MYRIP: variants seen among roughly 807,000 people sequenced by gnomAD.
The protein encoded by MYRIP is myosin VIIA and Rab interacting protein, also known as rab effector MyRIP.
MYRIP carries 49 observed loss-of-function variants against 98.0 expected under a neutral mutation model. The observed-to-expected ratio is 0.50, with a 90% confidence interval of 0.40 to 0.63. The LOEUF (loss-of-function observed/expected upper bound fraction) is 0.63. MYRIP is among the 30% of genes least tolerant of loss of function. The pLI is 0.00. For synonymous variants in MYRIP, 404 were observed against 409.5 expected, an observed-to-expected ratio of 0.99 and a Z score of 0.16; for missense variants, 1,004 against 1,058.2, an observed-to-expected ratio of 0.95 and a Z score of 0.71.
In MYRIP at chr3:39,900,943, G is replaced by T. The variant is rs575007143; in HGVS notation, c.110+17G>T. 3.1e-6 allele frequency: 5 copies of T among 1,590,542 alleles called. No individual in the cohort carries two copies. Among genetic ancestry groups the T allele is most frequent in the African/African-American group, 1.3e-5 (1 of 74,628 alleles). On this transcript the variant is annotated intron_variant, in intron 2 of 16. Coordinates refer to ENST00000302541, the MANE Select transcript of MYRIP (RefSeq NM_015460.4). ...ACGACTAAGGTGAGATGCCTGTTTTGCTCAGCAGCGTACAGCAAACCACAT... is the reference window on the plus strand; with the variant it reads ...ACGACTAAGGTGAGATGCCTGTTTTTCTCAGCAGCGTACAGCAAACCACAT...
At chr3:40,033,895 C>T (rs1324880356) in intron 2 of MYRIP, among the ~76,000 whole-genome samples, 1 of 152,084 alleles carries the variant, frequency 6.6e-6, no homozygotes, top group African/African-American at 2.4e-5. Context: ...TGGAACACAA[C>T]AGAGCCCTCA....
intron 1 of MYRIP, among the ~76,000 whole-genome samples, chr3:39,872,345 T>C (rs1942822217): frequency 6.6e-6 from 1 of 152,010 alleles, no homozygotes. Flanking sequence ...TTTATTATTA[T>C]TATTATTATA....
chr3:40,087,097 G>T (rs1180743889), intron 3 of MYRIP, among the ~76,000 whole-genome samples: 2 of 152,064 alleles, frequency 1.3e-5, no homozygotes, highest in Non-Finnish European at 2.9e-5. Flanking sequence ...CATGAACAAA[G>T]ATATGATTGT....
intron 2 of MYRIP, among the ~76,000 whole-genome samples, chr3:39,948,301 C>T (rs774618031): frequency 7.9e-5 from 12 of 152,054 alleles, no homozygotes; most frequent in Non-Finnish European, 1.5e-4. Context: ...AAGTTTTTAT[C>T]ATGAGCAGTT....
At position 39,944,743 on chromosome 3, in the gene MYRIP, A is replaced by C. The variant is rs753724945; in HGVS notation, c.110+43817A>C. 4.4e-4 allele frequency among the ~76,000 whole-genome samples: 67 copies of C among 152,274 alleles called. No homozygotes were observed. The Middle Eastern group carries it at 0.02, about 46-fold the overall frequency. On this transcript the variant is annotated intron_variant, in intron 2 of 16. Transcript: ENST00000302541. ...GCTTGTGTGATATTGTTAGATGAAT[A>C]CTGTGAGTTCATCAAAAGTTTTTTT...
At chr3:40,180,416 G>A (rs974752090) in intron 8 of MYRIP, among the ~76,000 whole-genome samples, 2 of 152,354 alleles carry the variant, frequency 1.3e-5, no homozygotes, top group African/African-American at 4.8e-5. Flanking sequence ...ACCCTCAGTT[G>A]CTCCACAGTC....
At chr3:40,257,409 G>A (rs997826342) in intron 16 of MYRIP, among the ~76,000 whole-genome samples, 5 of 152,194 alleles carry the variant, frequency 3.3e-5, no homozygotes, top group African/African-American at 1.2e-4. Flanking sequence ...TTATGCTGGA[G>A]ATTGCAGTTT....
intron 16 of MYRIP, among the ~76,000 whole-genome samples, chr3:40,257,888 T>C (rs567446304): frequency 6.6e-6 from 1 of 152,266 alleles, no homozygotes; most frequent in South Asian, 2.1e-4. Flanking sequence ...ATACTGGACA[T>C]TGGGATGGTA....
chr3:39,980,961 A>G (rs1945879384), intron 2 of MYRIP, among the ~76,000 whole-genome samples: 1 of 152,106 alleles, frequency 6.6e-6, no homozygotes, highest in Non-Finnish European at 1.5e-5. Context: ...ATGGAGATGG[A>G]GATGGTGGTG....
chr3:40,063,987 G>A (rs570723130), intron 3 of MYRIP, among the ~76,000 whole-genome samples: 2 of 152,070 alleles, frequency 1.3e-5, no homozygotes, highest in Non-Finnish European at 2.9e-5. Flanking sequence ...TGTACAGCAG[G>A]TGAGAACAGG....
intron 2 of MYRIP, among the ~76,000 whole-genome samples, chr3:39,947,617 G>A (rs1313251389): frequency 6.6e-6 from 1 of 152,018 alleles, no homozygotes; most frequent in African/African-American, 2.4e-5. Flanking sequence ...TAGAAATACA[G>A]ACTCACTGGG....
chr3:40,248,465 TGCAGTTCTA>T (rs1184491987), intron 13 of MYRIP: 2 of 152,228 alleles, frequency 1.3e-5, no homozygotes, highest in East Asian at 3.9e-4. Context: ...TCCTTGGACA[TGCAGTTCTA>T]GAAGTGGGAC....
intron 1 of MYRIP, among the ~76,000 whole-genome samples, chr3:39,823,467 C>T (rs1941175027): frequency 6.6e-6 from 1 of 152,190 alleles, no homozygotes; most frequent in Admixed American, 6.5e-5. Flanking sequence ...TACACTCCCA[C>T]CAACAGTATG....
intron 3 of MYRIP, among the ~76,000 whole-genome samples, chr3:40,119,072 T>C (rs1949344183): frequency 1.3e-5 from 2 of 152,092 alleles, no homozygotes; most frequent in South Asian, 4.1e-4. Context: ...CAGCATGATT[T>C]ATAATCCTCT....
intron 1 of MYRIP, among the ~76,000 whole-genome samples, chr3:39,883,137 C>T (rs67674122): frequency 0.051 from 7,787 of 152,136 alleles, 229 homozygotes; most frequent in African/African-American, 0.067. Context: ...TTTGACAGTT[C>T]CTTGGAGATA....
At chr3:40,174,306 C>G (rs941198857) in intron 8 of MYRIP, 1 of 152,196 alleles carries the variant, frequency 6.6e-6, no homozygotes, top group Non-Finnish European at 1.5e-5. Flanking sequence ...CAAGGAGGCT[C>G]CCTCCTGTCC....
chr3:39,900,772 AT>A lies in MYRIP; in HGVS notation c.-30-11del. On this transcript the variant is annotated splice_polypyrimidine_tract_variant and intron_variant, in intron 1 of 16. Transcript: ENST00000302541. ...GTAGAGATTTTATCTTGCTTGTATC[AT>A]TTTGGTTTCCCAGGTCTTGTTTCAT... The A allele has an allele frequency of 1.4e-6, 2 of 1,391,640 alleles. No individual in the cohort carries two copies. Among genetic ancestry groups the A allele is most frequent in the Non-Finnish European group, 2.0e-6 (2 of 989,578 alleles). 86.2% of individuals were successfully genotyped at this position (1,391,640 alleles called of 1,614,324 possible).
intron 10 of MYRIP, among the ~76,000 whole-genome samples, chr3:40,194,490 GTCTTC>G: frequency 1.3e-5 from 2 of 152,002 alleles, no homozygotes; most frequent in Middle Eastern, 6.8e-3. Flanking sequence ...CTGGTGGATG[GTCTTC>G]TCTTCACTGT....
chr3:40,084,952 G>A (rs943557868), intron 3 of MYRIP, among the ~76,000 whole-genome samples: 12 of 148,050 alleles, frequency 8.1e-5, no homozygotes, highest in Non-Finnish European at 1.5e-4. Context: ...GTTACATGTC[G>A]ATAGATAATA....
Sources: gnomAD v4.1 joint callset for allele counts (sites outside exome capture counted in the v4.1 genomes callset) on GRCh38, gnomAD v4.1.1 for gene constraint, MANE v1.5 for transcripts, NCBI Gene and HGNC (gene_info 2026-07-23, HGNC 2026-07-21) for gene names.